The following RBBP7 variants were observed in gnomAD, a reference collection of about 807,000 sequenced individuals.
The protein encoded by RBBP7 is histone-binding protein RBBP7.
Under a neutral mutation model 35.2 loss-of-function variants are expected in RBBP7, and 5 were observed. The ratio of observed to expected loss-of-function variants is 0.14; its 90% confidence interval spans 0.07 to 0.30. The LOEUF (loss-of-function observed/expected upper bound fraction) is 0.30. Ranked by LOEUF, RBBP7 falls within the 10% of genes least tolerant of loss-of-function variation. The pLI, the probability that RBBP7 is intolerant of heterozygous loss-of-function variation, is 1.00. For missense variants in RBBP7, 155 were observed against 327.5 expected, an observed-to-expected ratio of 0.47 and a Z score of 4.07; for synonymous variants, 140 against 118.7, an observed-to-expected ratio of 1.18 and a Z score of -1.17.
chrX:16,869,903 GCGCGCCCAGTCT>G (rs1602431250), intron 1 of RBBP7, 123 bp downstream of exon 1: 1 of 778,083 alleles, frequency 1.3e-6, no homozygotes, highest in Admixed American at 8.1e-5. Flanking sequence ...CCCTCGAGGC[GCGCGCCCAGTCT>G]CGCGCCCGGC....
intron 5 of RBBP7, among the ~76,000 whole-genome samples, chrX:16,855,392 G>A (rs1930325333): frequency 9.0e-6 from 1 of 111,450 alleles, no homozygotes; most frequent in Non-Finnish European, 1.9e-5. Context: ...TCCCAGTAAT[G>A]GCTATTTTCC....
At chrX:16,864,379 C>G (rs903717647) in intron 2 of RBBP7, among the ~76,000 whole-genome samples, 2 of 109,641 alleles carry the variant, frequency 1.8e-5, no homozygotes, top group Admixed American at 1.9e-4. Flanking sequence ...ATTAGCCGGG[C>G]ATGGTGGCGC....
chrX:16,844,413 C>T lies in RBBP7; in HGVS notation c.*622G>A, dbSNP rs1244063104. ...AGGATACGAATTGTTAAGAGGCAGT[C>T]TCGTTTTGCTTTTCAAAGACATTTT... On this transcript the variant is annotated 3_prime_UTR_variant, in exon 12 of 12. Coordinates refer to ENST00000380087, the MANE Select transcript of RBBP7 (RefSeq NM_002893.4). The T allele has an allele frequency of 8.9e-6, 1 of 112,121 alleles. No homozygotes were observed. Among genetic ancestry groups the T allele is most frequent in the Non-Finnish European group, 1.9e-5 (1 of 53,235 alleles). The allele number at this position is 112,121 out of a possible 1,213,427, so 9.2% of individuals were successfully genotyped here. A position where few individuals can be genotyped will look rare whatever the true frequency, so the allele number is the denominator to read the frequency against.
chrX:16,855,945 G>A (rs923777668), intron 5 of RBBP7, among the ~76,000 whole-genome samples: 4 of 88,418 alleles, frequency 4.5e-5, no homozygotes, highest in Non-Finnish European at 8.4e-5. Context: ...GCAGTGAGCC[G>A]AGACTGAGCC....
chrX:16,867,984 C>G (rs1028216879), intron 2 of RBBP7, among the ~76,000 whole-genome samples: 3 of 112,061 alleles, frequency 2.7e-5, no homozygotes, highest in Non-Finnish European at 5.6e-5. Flanking sequence ...CGCACCCAGC[C>G]AAAATTAGCT....
intron 5 of RBBP7, among the ~76,000 whole-genome samples, chrX:16,854,972 G>A (rs1201705420): frequency 1.1e-5 from 1 of 87,958 alleles, no homozygotes; most frequent in Non-Finnish European, 2.1e-5. Flanking sequence ...TAGTTCCACC[G>A]ACACTGGTAT....
chrX:16,851,247 A>T (rs1930207928), intron 9 of RBBP7, among the ~76,000 whole-genome samples: 1 of 111,994 alleles, frequency 8.9e-6, no homozygotes, highest in Admixed American at 9.5e-5. Context: ...AAATTCCAAA[A>T]CCCCAAACAC....
Position 16,870,135 on chromosome X carries a change from C to T in RBBP7, c.-82G>A. The T allele has an allele frequency of 9.8e-7, 1 of 1,020,310 alleles. No individual in the cohort carries two copies. The highest frequency in any genetic ancestry group is 1.3e-6 in the Non-Finnish European group (1 of 790,166). The allele number at this position is 1,020,310 out of a possible 1,213,427, so 84.1% of individuals were successfully genotyped here. The stretch of plus-strand genomic sequence containing the variant: ...AGCAGCCCGACCGCTGGCGCTCCTG[C>T]CTTTCCCAAGCGCGTCACACTCCCC... On this transcript the variant is annotated 5_prime_UTR_variant, in exon 1 of 12. Coordinates refer to ENST00000380087, the MANE Select transcript of RBBP7 (RefSeq NM_002893.4).
chrX:16,864,358 A>T, intron 2 of RBBP7, among the ~76,000 whole-genome samples: 1 of 110,148 alleles, frequency 9.1e-6, no homozygotes, highest in Middle Eastern at 4.6e-3. Context: ...CATCTCTATT[A>T]AAAATACAAA....
In RBBP7 at chrX:16,859,138, T is replaced by C. The variant is rs1298816541; in HGVS notation, c.308-289A>G. On this transcript the variant is annotated intron_variant, in intron 3 of 11. Coordinates refer to ENST00000380087, the MANE Select transcript of RBBP7 (RefSeq NM_002893.4). The stretch of plus-strand genomic sequence containing the variant: ...TCCTCTTTCAGTTATGAAGATGATA[T>C]AGTTATTCACTGAAATTTCAAGTAA... Among the ~76,000 whole-genome samples, 6 of 112,958 alleles carry C rather than the reference T, an allele frequency of 5.3e-5. No homozygotes were observed. In the East Asian group the frequency reaches 8.3e-4, roughly 16 times the overall value.
chrX:16,849,157 C>A, intron 10 of RBBP7, 87 bp downstream of exon 10: 11 of 909,560 alleles, frequency 1.2e-5, no homozygotes, highest in Non-Finnish European at 1.7e-5. Flanking sequence ...AGCTAGAATT[C>A]GAAGTTCTGA....
At chrX:16,849,075 T>C (rs1274195436) in intron 10 of RBBP7, 169 bp downstream of exon 10, 1 of 379,360 alleles carries the variant, frequency 2.6e-6, no homozygotes, top group Non-Finnish European at 4.5e-6. Context: ...GGGCTCCATT[T>C]ACTATTTTTG....
intron 2 of RBBP7, among the ~76,000 whole-genome samples, chrX:16,863,365 C>G (rs749979323): frequency 8.1e-5 from 9 of 111,745 alleles, no homozygotes; most frequent in Non-Finnish European, 1.5e-4. Context: ...AGCGTGAACA[C>G]TACCTTTTAT....
In RBBP7 at chrX:16,845,652, A is replaced by G. The variant is rs185548700; in HGVS notation, c.1209+176T>C. Reference sequence around the variant, plus strand: ...TGCTACAAATAGCAAACAGTGGACGAAGCACCATATGGGACTAAAGATTGT... The same window carrying G: ...TGCTACAAATAGCAAACAGTGGACGGAGCACCATATGGGACTAAAGATTGT... On this transcript the variant is annotated intron_variant, in intron 11 of 11. Transcript: ENST00000380087. 2.7e-5 allele frequency among the ~76,000 whole-genome samples: 3 copies of G among 112,672 alleles called. No homozygotes were observed. In the Admixed American group the frequency reaches 2.8e-4, roughly 11 times the overall value.
intron 3 of RBBP7, 53 bp from the exon 4 acceptor site, chrX:16,858,902 A>G: frequency 8.4e-7 from 1 of 1,183,458 alleles, no homozygotes; most frequent in Admixed American, 2.2e-5. Context: ...TAAAATTCAC[A>G]AATCACTTAG....
chrX:16,863,165 G>A, intron 2 of RBBP7, 65 bp from the exon 3 acceptor site: 1 of 1,040,145 alleles, frequency 9.6e-7, no homozygotes. Flanking sequence ...AACAAATTCA[G>A]TCTAGTTCCC....
rs780450117 is a variant in RBBP7 at position 16,845,024 on chromosome X, G to A, written c.*11C>T. 199 of 1,192,980 alleles carry A rather than the reference G, an allele frequency of 1.7e-4. 2 individuals are homozygous for A. The highest frequency in any genetic ancestry group is 3.4e-4 in the South Asian group (19 of 55,712). ...ATTACATTCAACAGAAACATTTCTC[G>A]TACTTTGGGTTTAAGATCCTTGTCC... is the stretch of plus-strand genomic sequence containing the variant. On this transcript the variant is annotated 3_prime_UTR_variant, in exon 12 of 12. Coordinates refer to ENST00000380087, the MANE Select transcript of RBBP7 (RefSeq NM_002893.4).
intron 6 of RBBP7, 189 bp downstream of exon 6, chrX:16,853,493 A>C (rs1930263009): frequency 2.8e-6 from 1 of 351,107 alleles, no homozygotes; most frequent in African/African-American, 2.7e-5. Context: ...GTAGAGTCTC[A>C]CACTCCTGGT....
intron 1 of RBBP7, 34 bp downstream of exon 1, chrX:16,870,004 G>A (rs1411999217): frequency 1.3e-6 from 1 of 794,487 alleles, no homozygotes; most frequent in Non-Finnish European, 1.5e-6. Context: ...GCCCCCCGCG[G>A]CCCCGGCGCG....
Sources: allele counts gnomAD v4.1 joint callset (sites outside exome capture counted in the v4.1 genomes callset), GRCh38; gene constraint gnomAD v4.1.1; transcripts MANE v1.5; gene names NCBI Gene and HGNC (gene_info 2026-07-23, HGNC 2026-07-21).